Variants in GRID1 observed in about 807,000 individuals in gnomAD.
The protein encoded by GRID1 is glutamate ionotropic receptor delta type subunit 1, also known as glutamate receptor ionotropic, delta-1.
GRID1 carries 28 observed loss-of-function variants against 98.0 expected under a neutral mutation model. The observed-to-expected ratio is 0.29, with a 90% CI of 0.21 to 0.39. GRID1 has a LOEUF of 0.39. GRID1 is among the 10% of genes least tolerant of loss of function. The probability of loss-of-function intolerance (pLI) is 1.00; values close to 1 mark genes in which losing one functional copy is unlikely to be tolerated. For missense variants in GRID1, 1,111 were observed against 1,340.5 expected (o/e 0.83, Z 2.67); for synonymous variants, 553 against 538.5 (o/e 1.03, Z -0.37).
At chr10:86,286,641 G>A (rs1013155571) in intron 2 of GRID1, among the ~76,000 whole-genome samples, 10 of 152,176 alleles carry the variant, frequency 6.6e-5, no homozygotes, top group Non-Finnish European at 7.3e-5. Flanking sequence ...CCTGGAATCA[G>A]GTCAGATAGA....
intron 8 of GRID1, among the ~76,000 whole-genome samples, chr10:85,820,358 A>C (rs1014004926): frequency 6.6e-6 from 1 of 152,156 alleles, no homozygotes; most frequent in African/African-American, 2.4e-5. Context: ...ATCCTGAAAA[A>C]GGAAAAGAAC....
chr10:85,871,732 G>A (rs972100572), intron 5 of GRID1, among the ~76,000 whole-genome samples: 1 of 152,150 alleles, frequency 6.6e-6, no homozygotes, highest in African/African-American at 2.4e-5. Flanking sequence ...TTCAGAAACT[G>A]TCTTAAGAAG....
chr10:85,828,230 T>C (rs1291977156), intron 8 of GRID1, among the ~76,000 whole-genome samples: 4 of 152,116 alleles, frequency 2.6e-5, no homozygotes, highest in Admixed American at 2.6e-4. Context: ...AGAAATGATT[T>C]GAAACTAATG....
In GRID1 at chr10:86,123,027, C is replaced by T. The variant is rs569973167; in HGVS notation, c.726+15792G>A. 2.0e-5 allele frequency among the ~76,000 whole-genome samples: 3 copies of T among 152,322 alleles called. No homozygotes were observed. The South Asian group carries it at 6.2e-4, about 32-fold the overall frequency. ...ATCATTGCAAAGGCTCTGAAAGGTG[C>T]CCAGCTTTGAGGATGAACCAGGCAA... On this transcript the variant is annotated intron_variant, in intron 4 of 15. Transcript: ENST00000327946.
intron 4 of GRID1, among the ~76,000 whole-genome samples, chr10:86,044,740 G>A (rs1177952569): frequency 6.6e-6 from 1 of 152,210 alleles, no homozygotes; most frequent in African/African-American, 2.4e-5. Context: ...GGGGGACCTT[G>A]CAGAAATCAC....
Position 86,172,899 on chromosome 10 carries a change from G to GTGTA in GRID1, c.520+33461_520+33464dup, listed in dbSNP as rs538680013. 7.9e-5 allele frequency among the ~76,000 whole-genome samples: 12 copies of GTGTA among 152,294 alleles called. No individual in the cohort carries two copies. In the East Asian group the frequency reaches 2.3e-3, roughly 29 times the overall value. On this transcript the variant is annotated intron_variant, in intron 3 of 15. Transcript: ENST00000327946. ...ATTGGAAAAAAGGGTAGTGGGCCTT[G>GTGTA]TGTATGTCTTACCCAACTTCAGTTG...
chr10:85,648,139 G>T (rs981352383), intron 12 of GRID1: 2 of 152,186 alleles, frequency 1.3e-5, no homozygotes, highest in Non-Finnish European at 2.9e-5. Context: ...AGGGCCTTGG[G>T]TTTGCTCTCC....
chr10:85,951,058 C>T (rs894799421), intron 4 of GRID1, among the ~76,000 whole-genome samples: 4 of 152,108 alleles, frequency 2.6e-5, no homozygotes, highest in African/African-American at 9.7e-5. Context: ...CTCACTAGAT[C>T]CCACTCCTAT....
Position 85,599,678 on chromosome 10 carries a change from A to C in GRID1, c.*2595T>G, listed in dbSNP as rs76636418. The C allele has an allele frequency of 0.043, 6,482 of 151,348 alleles. 241 individuals are homozygous for C. Among genetic ancestry groups the C allele is most frequent in the East Asian group, 0.17 (897 of 5,128 alleles). 9.4% of individuals were successfully genotyped at this position (151,348 alleles called of 1,614,324 possible). A position where few individuals can be genotyped will look rare whatever the true frequency, so the allele number is the denominator to read the frequency against. Reference sequence around the variant, plus strand: ...AAATCCAAAGAGCAAAGCATGAAAAAAAGATACATTCTGAGCTGACACAGA... The same window carrying C: ...AAATCCAAAGAGCAAAGCATGAAAACAAGATACATTCTGAGCTGACACAGA... On this transcript the variant is annotated 3_prime_UTR_variant, in exon 16 of 16. Coordinates refer to ENST00000327946, the MANE Select transcript of GRID1 (RefSeq NM_017551.3).
intron 8 of GRID1, among the ~76,000 whole-genome samples, chr10:85,781,531 G>T (rs1432594099): frequency 1.3e-5 from 2 of 152,156 alleles, no homozygotes; most frequent in Admixed American, 1.3e-4. Flanking sequence ...AGTTGCAAAC[G>T]TGGTGGTTGA....
intron 5 of GRID1, among the ~76,000 whole-genome samples, chr10:85,870,147 G>A (rs1015879272): frequency 2.6e-5 from 4 of 152,198 alleles, no homozygotes; most frequent in African/African-American, 7.2e-5. Flanking sequence ...AATCTCAGTG[G>A]GCAACATCTA....
At chr10:86,027,452 T>A (rs1407223202) in intron 4 of GRID1, among the ~76,000 whole-genome samples, 1 of 152,264 alleles carries the variant, frequency 6.6e-6, no homozygotes, top group African/African-American at 2.4e-5. Flanking sequence ...GGCTAAATAC[T>A]ATTTCATTGT....
intron 5 of GRID1, among the ~76,000 whole-genome samples, chr10:85,871,187 C>T (rs1227340663): frequency 2.0e-5 from 3 of 152,162 alleles, no homozygotes; most frequent in African/African-American, 7.2e-5. Context: ...GCAGCTTAGC[C>T]TTGCTCAGAA....
In GRID1 at chr10:85,724,693, T is replaced by C; in HGVS notation, c.1534-17A>G. 1.9e-6 allele frequency: 3 copies of C among 1,597,538 alleles called. No individual in the cohort carries two copies. Among genetic ancestry groups the C allele is most frequent in the Non-Finnish European group, 8.5e-7 (1 of 1,173,022 alleles). On this transcript the variant is annotated splice_polypyrimidine_tract_variant and intron_variant, in intron 10 of 15. Coordinates refer to ENST00000327946, the MANE Select transcript of GRID1 (RefSeq NM_017551.3). ...GTCTGCTCTCTGAAAGGCAAAGCCA[T>C]CTCATTTAGACGGCAGTCCTCAGCT...
chr10:85,765,974 G>T (rs1041143565), intron 8 of GRID1, among the ~76,000 whole-genome samples: 5 of 152,200 alleles, frequency 3.3e-5, no homozygotes, highest in African/African-American at 1.2e-4. Flanking sequence ...AGAGGGGGAC[G>T]ATTTTAACTG....
intron 4 of GRID1, among the ~76,000 whole-genome samples, chr10:86,003,687 C>G (rs1032477213): frequency 6.6e-6 from 1 of 152,142 alleles, no homozygotes; most frequent in African/African-American, 2.4e-5. Context: ...GGTTTAGAAG[C>G]CAATGGCCAA....
chr10:86,298,018 A>G (rs1847619982), intron 2 of GRID1, among the ~76,000 whole-genome samples: 1 of 152,264 alleles, frequency 6.6e-6, no homozygotes, highest in African/African-American at 2.4e-5. Context: ...TGCAAGTACC[A>G]TAAAAATGCC....
rs768081925 is a variant in GRID1, at chr10:85,647,209, A to T, written c.2186T>A (p.Ile729Asn). Residue 729 changes from isoleucine to asparagine, a missense_variant, in exon 13 of 16, where the codon ATC (isoleucine) becomes AAC (asparagine). Ile to Asn is a moderately radical substitution (Grantham distance 149). This residue lies in a region of GRID1 where 762 missense variants were observed against 869.1 expected (regional missense o/e 0.88). Coordinates refer to ENST00000327946, the MANE Select transcript of GRID1 (RefSeq NM_017551.3). Reference protein sequence around the residue: ...DNCVSSPSEGIRKAKKGNYAF... With the variant: ...DNCVSSPSEGNRKAKKGNYAF... ...GCGCCAGCTCCTGCCTACCTTCCTGATGCCTTCTGAAGGACTGGACACGCA... is the reference window on the plus strand; with the variant it reads ...GCGCCAGCTCCTGCCTACCTTCCTGTTGCCTTCTGAAGGACTGGACACGCA... 6.2e-7 allele frequency: 1 copy of T among 1,614,020 alleles called. No individual in the cohort carries two copies.
chr10:86,143,572 G>A (rs1845040518), intron 3 of GRID1, among the ~76,000 whole-genome samples: 1 of 152,158 alleles, frequency 6.6e-6, no homozygotes, highest in Non-Finnish European at 1.5e-5. Context: ...CAAGCTCCCT[G>A]TACACACTGG....
Sources: gnomAD v4.1 joint callset for allele counts (sites outside exome capture counted in the v4.1 genomes callset) on GRCh38, gnomAD v4.1.1 for gene constraint, gnomAD v4.1.1 regional missense constraint, MANE v1.5 for transcripts, NCBI Gene and HGNC (gene_info 2026-07-23, HGNC 2026-07-21) for gene names.